The following ACVR2A variants were observed in gnomAD, a reference collection of about 807,000 sequenced individuals.
ACVR2A encodes the protein activin receptor type-2A.
A neutral mutation model predicts 61.4 loss-of-function variants in ACVR2A; 7 were observed. That is an observed-to-expected ratio of 0.11 (90% confidence interval 0.06 to 0.21). The LOEUF is 0.21. Among genes scored for constraint, ACVR2A ranks in the 10% least tolerant of loss-of-function variants. The probability of loss-of-function intolerance (pLI) is 1.00; values close to 1 mark genes in which losing one functional copy is unlikely to be tolerated. For missense variants in ACVR2A, 322 were observed against 621.7 expected (o/e 0.52, Z 5.13); for synonymous variants, 193 against 208.3 (o/e 0.93, Z 0.63).
intron 1 of ACVR2A, among the ~76,000 whole-genome samples, chr2:147,858,935 G>A (rs536872081): frequency 6.6e-6 from 1 of 152,074 alleles, no homozygotes; most frequent in East Asian, 1.9e-4. Flanking sequence ...CCATTGTTCA[G>A]GGGCTATATA....
intron 1 of ACVR2A, among the ~76,000 whole-genome samples, chr2:147,847,515 A>T (rs1385540881): frequency 6.6e-6 from 1 of 152,110 alleles, no homozygotes; most frequent in East Asian, 1.9e-4. Context: ...TTTTTTTAAA[A>T]ATCAAAATGG....
At chr2:147,876,230 G>A (rs1170934437) in intron 1 of ACVR2A, among the ~76,000 whole-genome samples, 1 of 151,976 alleles carries the variant, frequency 6.6e-6, no homozygotes, top group Non-Finnish European at 1.5e-5. Flanking sequence ...TCTACTCACT[G>A]TTATTCTATT....
Position 147,929,352 on chromosome 2 carries a change from T to G in ACVR2A, c.*2078T>G, listed in dbSNP as rs1687595863. The G allele has an allele frequency of 6.7e-6, 1 of 149,896 alleles. No homozygotes were observed. The highest frequency in any genetic ancestry group is 6.8e-5 in the Admixed American group (1 of 14,794). The allele number at this position is 149,896 out of a possible 1,614,324, so 9.3% of individuals were successfully genotyped here. The stretch of plus-strand genomic sequence containing the variant: ...CCTGAAGATGAATTTCTACCTGTTG[T>G]GAACATTTAACTTTCTTTTTAAAAG... On this transcript the variant is annotated 3_prime_UTR_variant, in exon 11 of 11. Coordinates refer to ENST00000241416, the MANE Select transcript of ACVR2A (RefSeq NM_001616.5).
At chr2:147,877,453 C>T (rs1218294263) in intron 1 of ACVR2A, 2 of 152,002 alleles carry the variant, frequency 1.3e-5, no homozygotes, top group South Asian at 2.1e-4. Flanking sequence ...ATACTAATAT[C>T]GGAATAATAG....
At position 147,899,871 on chromosome 2, in the gene ACVR2A, C is replaced by T. The variant is rs991342753; in HGVS notation, c.501C>T (p.Ala167=). 93 of 1,613,484 alleles carry T rather than the reference C, an allele frequency of 5.8e-5. No individual in the cohort carries two copies. The highest frequency in any genetic ancestry group is 7.6e-5 in the Non-Finnish European group (90 of 1,179,648). The change falls in exon 4 of 11, where the codon GCC becomes GCT. Residue 167 remains alanine (A), a synonymous_variant. Transcript: ENST00000241416. ...AFWVYRHHKM[A]YPPVLVPTQD... ...GGGTGTACAGGCATCACAAGATGGCCTACCCTCCTGTACTTGTTCCAACTC... is the reference window on the plus strand; with the variant it reads ...GGGTGTACAGGCATCACAAGATGGCTTACCCTCCTGTACTTGTTCCAACTC...
chr2:147,865,228 T>G (rs1685823788), intron 1 of ACVR2A, among the ~76,000 whole-genome samples: 1 of 152,170 alleles, frequency 6.6e-6, no homozygotes, highest in South Asian at 2.1e-4. Flanking sequence ...TTGAATAAAT[T>G]AATATGAAAG....
At chr2:147,920,119 T>A in intron 7 of ACVR2A, 111 bp from the exon 8 acceptor site, 1 of 695,248 alleles carries the variant, frequency 1.4e-6, no homozygotes, top group Non-Finnish European at 2.4e-6. Context: ...TTTCATAATT[T>A]TAAGTAACTA....
At chr2:147,889,562 G>C (rs1015046950) in intron 1 of ACVR2A, among the ~76,000 whole-genome samples, 5 of 151,840 alleles carry the variant, frequency 3.3e-5, no homozygotes, top group African/African-American at 1.2e-4. Context: ...GTCTAACACG[G>C]TGAAACCCTG....
intron 1 of ACVR2A, among the ~76,000 whole-genome samples, chr2:147,886,436 A>G (rs962877551): frequency 6.6e-6 from 1 of 152,182 alleles, no homozygotes; most frequent in Non-Finnish European, 1.5e-5. Context: ...TTCAGACAGC[A>G]TTAGAATGTT....
At chr2:147,859,509 T>C (rs1447127571) in intron 1 of ACVR2A, among the ~76,000 whole-genome samples, 1 of 143,740 alleles carries the variant, frequency 7.0e-6, no homozygotes, top group Non-Finnish European at 1.5e-5. Context: ...AAAAAGAAAA[T>C]AGAAAATATT....
intron 5 of ACVR2A, 130 bp from the exon 6 acceptor site, chr2:147,917,153 A>G: frequency 2.1e-6 from 2 of 973,982 alleles, no homozygotes; most frequent in Non-Finnish European, 2.9e-6. Context: ...TACAAAACAG[A>G]ACAAAAAATT....
At position 147,927,129 on chromosome 2, in the gene ACVR2A, C is replaced by G; in HGVS notation, c.1397C>G (p.Ala466Gly). 6.2e-7 allele frequency: 1 copy of G among 1,612,182 alleles called. No individual in the cohort carries two copies. The highest frequency in any genetic ancestry group is 8.5e-7 in the Non-Finnish European group (1 of 1,178,790). Residue 466 changes from alanine (A) to glycine (G), a missense_variant, in exon 11 of 11, where the codon GCA becomes GGA. By Grantham distance (60) the Ala-to-Gly change is moderately conservative. Coordinates refer to ENST00000241416, the MANE Select transcript of ACVR2A (RefSeq NM_001616.5). The stretch of plus-strand genomic sequence containing the variant: ...ATTGAAGAATGTTGGGATCACGACG[C>G]AGAAGCCAGGTTATCAGCTGGATGT... Reference protein sequence around the residue: ...ETIEECWDHDAEARLSAGCVG... With the variant: ...ETIEECWDHDGEARLSAGCVG...
chr2:147,926,452 G>GT (rs1359091842), intron 10 of ACVR2A, among the ~76,000 whole-genome samples: 1 of 151,956 alleles, frequency 6.6e-6, no homozygotes, highest in African/African-American at 2.4e-5. Context: ...CTCGGAAACT[G>GT]TGGATAGTTG....
upstream of ACVR2A, chr2:147,844,719 A>G (rs1418008543): frequency 6.8e-6 from 1 of 146,034 alleles, no homozygotes; most frequent in Non-Finnish European, 1.5e-5. Flanking sequence ...CGGTCCGGAC[A>G]TCGGACCCAG....
Position 147,864,392 on chromosome 2 carries a change from G to A in ACVR2A, c.55+19185G>A, listed in dbSNP as rs116382001. On this transcript the variant is annotated intron_variant, in intron 1 of 10. Transcript: ENST00000241416. ...TTACATGCGCGCTCTACAACGCCCC[G>A]CTAATTTTTTTTGTATTTTTTTAGA... Among the ~76,000 whole-genome samples, 1,028 of 152,028 alleles carry A rather than the reference G, an allele frequency of 6.8e-3. 9 individuals are homozygous for A. The highest frequency in any genetic ancestry group is 0.023 in the African/African-American group (964 of 41,462).
intron 1 of ACVR2A, among the ~76,000 whole-genome samples, chr2:147,851,289 T>C (rs559014359): frequency 2.6e-5 from 4 of 152,022 alleles, no homozygotes. Context: ...TGGTTAAGAG[T>C]ATAGACTCTG....
intron 1 of ACVR2A, among the ~76,000 whole-genome samples, chr2:147,857,358 G>C (rs1685606826): frequency 6.6e-6 from 1 of 151,914 alleles, no homozygotes; most frequent in Admixed American, 6.6e-5. Context: ...CCTTGCATCT[G>C]TGATGGAAGG....
intron 1 of ACVR2A, among the ~76,000 whole-genome samples, chr2:147,864,239 G>GT (rs1031721660): frequency 9.2e-5 from 14 of 151,514 alleles, no homozygotes; most frequent in African/African-American, 2.7e-4. Context: ...ATAACTTTTT[G>GT]TTTTTTTTGA....
At chr2:147,847,118 A>G (rs992541201) in intron 1 of ACVR2A, among the ~76,000 whole-genome samples, 2 of 152,120 alleles carry the variant, frequency 1.3e-5, no homozygotes, top group Admixed American at 6.5e-5. Flanking sequence ...GTTAATAGCT[A>G]TAATTTTGAA....
Sources: gnomAD v4.1 joint callset for allele counts (sites outside exome capture counted in the v4.1 genomes callset) on GRCh38, gnomAD v4.1.1 for gene constraint, MANE v1.5 for transcripts, NCBI Gene and HGNC (gene_info 2026-07-23, HGNC 2026-07-21) for gene names.